Variants in DYNC1I1 observed in about 807,000 individuals in gnomAD.
DYNC1I1 encodes the protein cytoplasmic dynein 1 intermediate chain 1.
In DYNC1I1, 43 loss-of-function variants were observed where a neutral mutation model predicts 86.6. The observed-to-expected ratio is 0.50, with a 90% CI of 0.39 to 0.64. The LOEUF (loss-of-function observed/expected upper bound fraction) is 0.64, where lower values mean the gene tolerates loss of function less well. DYNC1I1 is among the 30% of genes least tolerant of loss of function. The pLI is 0.00. For missense variants in DYNC1I1, 604 were observed against 788.8 expected, an observed-to-expected ratio of 0.77 and a Z score of 2.81; for synonymous variants, 262 against 283.7, an observed-to-expected ratio of 0.92 and a Z score of 0.77.
intron 5 of DYNC1I1, among the ~76,000 whole-genome samples, chr7:95,851,150 G>A (rs776453261): frequency 1.3e-5 from 2 of 152,086 alleles, no homozygotes; most frequent in Non-Finnish European, 2.9e-5. Context: ...GCCCAGGCTG[G>A]TCTCAAACCC....
chr7:95,778,290 A>G (rs1005923042), intron 1 of DYNC1I1, among the ~76,000 whole-genome samples: 2 of 152,250 alleles, frequency 1.3e-5, no homozygotes, highest in Non-Finnish European at 2.9e-5. Context: ...GAAAACATAC[A>G]GGCAAAAGCT....
intron 6 of DYNC1I1, among the ~76,000 whole-genome samples, chr7:95,910,160 T>C (rs1163634727): frequency 6.6e-6 from 1 of 152,180 alleles, no homozygotes; most frequent in African/African-American, 2.4e-5. Context: ...AATTCTTCTT[T>C]CTCCTTTCAT....
intron 5 of DYNC1I1, among the ~76,000 whole-genome samples, chr7:95,851,367 A>AT (rs1789573887): frequency 6.6e-6 from 1 of 151,994 alleles, no homozygotes; most frequent in African/African-American, 2.4e-5. Context: ...ACAGCGCAAG[A>AT]TTTTATCATG....
intron 1 of DYNC1I1, among the ~76,000 whole-genome samples, chr7:95,793,973 T>C (rs969970238): frequency 6.6e-6 from 1 of 152,224 alleles, no homozygotes; most frequent in Non-Finnish European, 1.5e-5. Flanking sequence ...ATGAATGTTT[T>C]AGAACCTCTA....
intron 1 of DYNC1I1, among the ~76,000 whole-genome samples, chr7:95,778,965 C>T (rs1409842838): frequency 6.6e-6 from 1 of 152,266 alleles, no homozygotes; most frequent in South Asian, 2.1e-4. Flanking sequence ...CACCTGACCC[C>T]AGCAAGTTTT....
intron 1 of DYNC1I1, among the ~76,000 whole-genome samples, chr7:95,774,979 A>G (rs149123029): frequency 2.0e-5 from 3 of 152,256 alleles, no homozygotes; most frequent in African/African-American, 7.2e-5. Flanking sequence ...TCATTACTTT[A>G]TTCTCCCTAC....
At chr7:95,797,214 C>T (rs574488197) in intron 1 of DYNC1I1, among the ~76,000 whole-genome samples, 169 of 151,870 alleles carry the variant, frequency 1.1e-3, no homozygotes, top group African/African-American at 3.9e-3. Flanking sequence ...GCTAAACTAG[C>T]GGCCTTAAAA....
chr7:96,022,877 A>T (rs1163070113), intron 10 of DYNC1I1, among the ~76,000 whole-genome samples: 1 of 151,624 alleles, frequency 6.6e-6, no homozygotes, highest in East Asian at 1.9e-4. Flanking sequence ...CTCAATAATA[A>T]TAATAATAAT....
chr7:96,063,735 G>A (rs1228365991), intron 14 of DYNC1I1, among the ~76,000 whole-genome samples: 1 of 152,178 alleles, frequency 6.6e-6, no homozygotes, highest in African/African-American at 2.4e-5. Context: ...CCAAGGTACT[G>A]GAATTAGGAC....
chr7:95,846,538 G>T (rs71564807), intron 5 of DYNC1I1, among the ~76,000 whole-genome samples: 31,068 of 151,878 alleles, frequency 0.2, 3,266 homozygotes, highest in African/African-American at 0.24. Context: ...CATCCTTCTT[G>T]AAGTAGTCAG....
At chr7:96,095,566 T>C (rs1352408219) in intron 16 of DYNC1I1, among the ~76,000 whole-genome samples, 1 of 152,176 alleles carries the variant, frequency 6.6e-6, no homozygotes, top group East Asian at 1.9e-4. Flanking sequence ...TGGGGCATTT[T>C]AGCTTTAGCT....
intron 14 of DYNC1I1, among the ~76,000 whole-genome samples, chr7:96,042,393 G>T (rs934538411): frequency 3.3e-5 from 5 of 152,162 alleles, no homozygotes; most frequent in African/African-American, 1.2e-4. Flanking sequence ...CCTGGGAACG[G>T]TGACCAATTC....
intron 1 of DYNC1I1, among the ~76,000 whole-genome samples, chr7:95,783,574 A>T (rs147987717): frequency 6.6e-6 from 1 of 152,344 alleles, no homozygotes; most frequent in African/African-American, 2.4e-5. Flanking sequence ...AACAAAGTAC[A>T]ATGTGGATTC....
At chr7:95,944,048 C>T (rs1792320957) in intron 6 of DYNC1I1, among the ~76,000 whole-genome samples, 1 of 152,012 alleles carries the variant, frequency 6.6e-6, no homozygotes. Context: ...CTAAAGAGCT[C>T]CTGCACAGGA....
chr7:96,045,985 G>A (rs1584275183), intron 14 of DYNC1I1, among the ~76,000 whole-genome samples: 4 of 152,234 alleles, frequency 2.6e-5, no homozygotes, highest in Admixed American at 6.5e-5. Context: ...AAGGGAGAGG[G>A]AATTAAAACA....
At chr7:95,793,016 C>G (rs1794345090) in intron 1 of DYNC1I1, among the ~76,000 whole-genome samples, 1 of 152,000 alleles carries the variant, frequency 6.6e-6, no homozygotes, top group Non-Finnish European at 1.5e-5. Context: ...TATTTTCTAA[C>G]AGTGTTTTAA....
chr7:96,104,243 G>A (rs1791181381), intron 16 of DYNC1I1, among the ~76,000 whole-genome samples: 1 of 151,946 alleles, frequency 6.6e-6, no homozygotes. Context: ...TATTAATTTA[G>A]AGGAGTTCTT....
At chr7:95,981,955 G>T (rs1259440548) in intron 7 of DYNC1I1, among the ~76,000 whole-genome samples, 1 of 151,980 alleles carries the variant, frequency 6.6e-6, no homozygotes, top group Non-Finnish European at 1.5e-5. Flanking sequence ...GATTCTATTT[G>T]TTTATTCCTG....
intron 6 of DYNC1I1, among the ~76,000 whole-genome samples, chr7:95,884,911 G>A (rs1431106711): frequency 6.6e-6 from 1 of 151,664 alleles, no homozygotes; most frequent in Non-Finnish European, 1.5e-5. Context: ...CTGTCATGAA[G>A]ATCAAATGTA....
Sources: allele counts gnomAD v4.1 joint callset (sites outside exome capture counted in the v4.1 genomes callset), GRCh38; gene constraint gnomAD v4.1.1; transcripts MANE v1.5; gene names NCBI Gene and HGNC (gene_info 2026-07-23, HGNC 2026-07-21).